The following DLG2 variants were observed in gnomAD, a reference collection of about 807,000 sequenced individuals.
DLG2 encodes disks large homolog 2.
A neutral mutation model predicts 132.5 loss-of-function variants in DLG2; 45 were observed. The observed-to-expected ratio is 0.34, with a 90% CI of 0.27 to 0.44. The LOEUF is 0.44. DLG2 is among the 20% of genes least tolerant of loss of function. DLG2 has a pLI of 1.00. For missense variants in DLG2, 1,045 were observed against 1,196.9 expected (o/e 0.87, Z 1.87); for synonymous variants, 424 against 419.6 (o/e 1.01, Z -0.13).
Position 84,121,625 on chromosome 11 carries a change from G to A in DLG2, c.625-22578C>T, listed in dbSNP as rs368845510. ...GGCCCAGGCTGGAGTGCAGTGGCACGATCTCGGCTCACTGCAAGTTCCGCC... is the reference window on the plus strand; with the variant it reads ...GGCCCAGGCTGGAGTGCAGTGGCACAATCTCGGCTCACTGCAAGTTCCGCC... On this transcript the variant is annotated intron_variant, in intron 9 of 27. Transcript: ENST00000376104. 2.1e-3 allele frequency among the ~76,000 whole-genome samples: 269 copies of A among 130,288 alleles called. 2 individuals are homozygous for A. Among genetic ancestry groups the A allele is most frequent in the African/African-American group, 7.2e-3 (248 of 34,312 alleles). 85.5% of individuals were successfully genotyped at this position (130,288 alleles called of 152,430 possible). A position where few individuals can be genotyped will look rare whatever the true frequency, so the allele number is the denominator to read the frequency against.
intron 7 of DLG2, among the ~76,000 whole-genome samples, chr11:84,274,275 G>A (rs561212116): frequency 6.6e-6 from 1 of 152,268 alleles, no homozygotes; most frequent in East Asian, 1.9e-4. Context: ...AAGGCATCTT[G>A]GAAGGTGATG....
intron 19 of DLG2, among the ~76,000 whole-genome samples, chr11:83,600,550 G>A (rs2153371065): frequency 1.3e-5 from 2 of 152,346 alleles, no homozygotes; most frequent in Middle Eastern, 3.4e-3. Context: ...GGAAGAGAGA[G>A]AGGGTAGTGT....
At chr11:84,980,584 A>T (rs1158253150) in intron 6 of DLG2, among the ~76,000 whole-genome samples, 5 of 152,112 alleles carry the variant, frequency 3.3e-5, no homozygotes, top group African/African-American at 1.2e-4. Context: ...CCCAATAAGA[A>T]ACCCCAAACA....
intron 11 of DLG2, among the ~76,000 whole-genome samples, chr11:84,022,547 A>C (rs1352241972): frequency 6.6e-6 from 1 of 152,180 alleles, no homozygotes; most frequent in East Asian, 1.9e-4. Context: ...CTAGCAGGAG[A>C]GGAAAAACCT....
intron 4 of DLG2, among the ~76,000 whole-genome samples, chr11:85,217,314 T>TCACACACA (rs764728080): frequency 0.012 from 276 of 22,106 alleles, 2 homozygotes; most frequent in Middle Eastern, 0.05. Flanking sequence ...ATTCTCTCTC[T>TCACACACA]CTCTCACACA....
intron 6 of DLG2, among the ~76,000 whole-genome samples, chr11:85,004,326 A>ACT (rs2058458754): frequency 6.6e-6 from 1 of 151,940 alleles, no homozygotes; most frequent in African/African-American, 2.4e-5. Flanking sequence ...ACTAATTTAC[A>ACT]CTCCCACCAA....
chr11:85,168,622 C>T (rs914282737), intron 4 of DLG2, among the ~76,000 whole-genome samples: 1 of 152,034 alleles, frequency 6.6e-6, no homozygotes, highest in Non-Finnish European at 1.5e-5. Context: ...AATGGGAAAA[C>T]ATTTTAAAAG....
At chr11:84,580,575 C>A (rs935003745) in intron 6 of DLG2, among the ~76,000 whole-genome samples, 37 of 152,328 alleles carry the variant, frequency 2.4e-4, no homozygotes, top group African/African-American at 8.4e-4. Flanking sequence ...GAATTCAACA[C>A]ACCTCCTAGC....
intron 3 of DLG2, among the ~76,000 whole-genome samples, chr11:85,587,075 T>C (rs950424991): frequency 6.6e-6 from 1 of 152,206 alleles, no homozygotes; most frequent in Non-Finnish European, 1.5e-5. Flanking sequence ...TGATATTATT[T>C]TGATTTTCTT....
chr11:85,062,659 C>T (rs2064292752), intron 6 of DLG2, among the ~76,000 whole-genome samples: 2 of 151,376 alleles, frequency 1.3e-5, no homozygotes, highest in Non-Finnish European at 3.0e-5. Flanking sequence ...ATTAACTTAC[C>T]TCACAGAGAT....
intron 3 of DLG2, among the ~76,000 whole-genome samples, chr11:85,454,901 G>A (rs145645245): frequency 1.1e-4 from 17 of 151,572 alleles, no homozygotes; most frequent in Non-Finnish European, 2.2e-4. Context: ...GTCTGTTTTC[G>A]TATCAGTGTT....
At chr11:84,025,087 A>G (rs1404318128) in intron 11 of DLG2, among the ~76,000 whole-genome samples, 1 of 152,148 alleles carries the variant, frequency 6.6e-6, no homozygotes, top group Non-Finnish European at 1.5e-5. Context: ...AAAAAAGACT[A>G]TTCAGTGTAT....
At chr11:83,677,860 A>G (rs1337569681) in intron 18 of DLG2, among the ~76,000 whole-genome samples, 5 of 152,194 alleles carry the variant, frequency 3.3e-5, no homozygotes, top group Non-Finnish European at 7.4e-5. Context: ...TAGTAATGGC[A>G]TAAGGCCACA....
At chr11:84,137,673 T>C (rs2094658933) in intron 9 of DLG2, among the ~76,000 whole-genome samples, 1 of 152,164 alleles carries the variant, frequency 6.6e-6, no homozygotes, top group African/African-American at 2.4e-5. Flanking sequence ...GAAAGAATGC[T>C]TCCACCATAT....
intron 6 of DLG2, among the ~76,000 whole-genome samples, chr11:85,088,682 C>T (rs9634002): frequency 8.5e-5 from 13 of 152,050 alleles, no homozygotes; most frequent in Admixed American, 2.6e-4. Context: ...ATTTCCCCTG[C>T]GTTCCCAGTA....
chr11:84,683,033 G>T (rs2099734885), intron 6 of DLG2, among the ~76,000 whole-genome samples: 1 of 152,048 alleles, frequency 6.6e-6, no homozygotes, highest in African/African-American at 2.4e-5. Flanking sequence ...TTTGTGGTGG[G>T]GTCTCTGAGT....
chr11:83,857,400 G>A (rs1565369343), intron 16 of DLG2, among the ~76,000 whole-genome samples: 2 of 152,122 alleles, frequency 1.3e-5, no homozygotes, highest in African/African-American at 2.4e-5. Context: ...TATAAATTGT[G>A]TTGGGAAGTA....
chr11:84,416,636 C>CA (rs2098930789), intron 7 of DLG2, among the ~76,000 whole-genome samples: 4 of 152,328 alleles, frequency 2.6e-5, no homozygotes, highest in African/African-American at 9.6e-5. Context: ...TATCACTTAA[C>CA]TGTGTGATCT....
At chr11:84,623,988 C>T (rs920346312) in intron 6 of DLG2, among the ~76,000 whole-genome samples, 4 of 152,154 alleles carry the variant, frequency 2.6e-5, no homozygotes, top group African/African-American at 9.7e-5. Context: ...TTACTAAGTG[C>T]TCACACATAA....
Sources: allele counts gnomAD v4.1 joint callset (sites outside exome capture counted in the v4.1 genomes callset), GRCh38; gene constraint gnomAD v4.1.1; transcripts MANE v1.5; gene names NCBI Gene and HGNC (gene_info 2026-07-23, HGNC 2026-07-21).